The following ASCC2 variants were observed in gnomAD, a reference collection of about 807,000 sequenced individuals.
The protein encoded by ASCC2 is activating signal cointegrator 1 complex subunit 2, also known as ASC-1 complex subunit P100.
A neutral mutation model predicts 93.5 loss-of-function variants in ASCC2; 42 were observed. The observed-to-expected ratio is 0.45, with a 90% CI of 0.35 to 0.58. ASCC2 has a LOEUF of 0.58. Ranked by LOEUF, ASCC2 falls within the 20% of genes least tolerant of loss-of-function variation. The pLI, the probability that ASCC2 is intolerant of heterozygous loss-of-function variation, is 0.00. For synonymous variants in ASCC2, 364 were observed against 384.2 expected (o/e 0.95, Z 0.62); for missense variants, 859 against 977.6 (o/e 0.88, Z 1.62).
At chr22:29,824,265 C>T (rs945222631) in intron 4 of ASCC2, among the ~76,000 whole-genome samples, 2 of 151,602 alleles carry the variant, frequency 1.3e-5, no homozygotes, top group Non-Finnish European at 2.9e-5. Context: ...CACACACACA[C>T]ACACACACAC....
At chr22:29,798,452 T>C (rs1431494200) in intron 15 of ASCC2, among the ~76,000 whole-genome samples, 2 of 152,124 alleles carry the variant, frequency 1.3e-5, no homozygotes, top group South Asian at 4.1e-4. Flanking sequence ...GCAGCCCCTC[T>C]GCAGCCTCAA....
chr22:29,832,103 G>A lies in ASCC2; in HGVS notation c.81+142C>T, dbSNP rs2063224212. On this transcript the variant is annotated intron_variant, in intron 2 of 19. Coordinates refer to ENST00000307790, the MANE Select transcript of ASCC2 (RefSeq NM_032204.5). Reference sequence around the variant, plus strand: ...AAATTCCTACTCTGGGCCTGGAAGAGACTAGTAGTGTCTCAGCTACTGAAT... The same window carrying A: ...AAATTCCTACTCTGGGCCTGGAAGAAACTAGTAGTGTCTCAGCTACTGAAT... 5 of 693,412 alleles carry A rather than the reference G, an allele frequency of 7.2e-6. No homozygotes were observed. In the South Asian group the frequency reaches 7.4e-5, roughly 10 times the overall value. 43.0% of individuals were successfully genotyped at this position (693,412 alleles called of 1,614,324 possible).
At chr22:29,805,729 C>T (rs2059599147) in intron 12 of ASCC2, among the ~76,000 whole-genome samples, 1 of 152,084 alleles carries the variant, frequency 6.6e-6, no homozygotes, top group Non-Finnish European at 1.5e-5. Context: ...TGTCCTCTGT[C>T]CACTGCGAAC....
intron 12 of ASCC2, among the ~76,000 whole-genome samples, 163 bp from the exon 13 acceptor site, chr22:29,804,993 G>A (rs1186137170): frequency 6.6e-6 from 1 of 152,142 alleles, no homozygotes; most frequent in Non-Finnish European, 1.5e-5. Flanking sequence ...GGAAAAATGG[G>A]CCAGACTACA....
chr22:29,826,042 C>A (rs933939094), intron 2 of ASCC2: 2 of 363,324 alleles, frequency 5.5e-6, no homozygotes, highest in Non-Finnish European at 1.0e-5. Flanking sequence ...ATACAAAACT[C>A]TCTGTTTAAT....
chr22:29,825,763 T>G lies in ASCC2; in HGVS notation c.99A>C (p.Ala33=). 1 of 1,610,260 alleles carries G rather than the reference T, an allele frequency of 6.2e-7. No homozygotes were observed. The highest frequency in any genetic ancestry group is 8.5e-7 in the Non-Finnish European group (1 of 1,176,748). The part of the protein sequence containing the change: ...TSPALHPEQK[A]DRYFVLYKPP... ...GTTTGTATAACACAAAATACCGGTC[T>G]GCCTTCTGCTCGGGGTGCTACGGAT... Residue 33 remains alanine (A), a synonymous_variant, in exon 3 of 20, where the codon GCA becomes GCC. Coordinates refer to ENST00000307790, the MANE Select transcript of ASCC2 (RefSeq NM_032204.5). The surrounding 1 kb of genome is among the most constrained non-coding windows in gnomAD (Gnocchi z 4.9).
In ASCC2 at chr22:29,814,866, T is replaced by C. The variant is rs188860647; in HGVS notation, c.610-99A>G. The C allele has an allele frequency of 8.6e-4, 746 of 872,162 alleles. 8 individuals are homozygous for C. In the East Asian group the frequency reaches 0.018, roughly 22 times the overall value. The allele number at this position is 872,162 out of a possible 1,614,324, so 54.0% of individuals were successfully genotyped here. ...AGGTGATCTGAAAACTGCCTTGGAG[T>C]TTCTAGAATATTTACCCATGTTTCC... is the stretch of plus-strand genomic sequence containing the variant. On this transcript the variant is annotated intron_variant, in intron 6 of 19. Transcript: ENST00000307790.
chr22:29,802,054 T>C lies in ASCC2; in HGVS notation c.1508A>G (p.Asn503Ser). The part of the protein sequence containing the change: ...YYHYDPEQVI[N>S]NILEERLAPT... ...GGCCAGCCGCTCCTCCAGGATATTG[T>C]TGATCACCTGCTCTGGGTCGTAGTG... The change falls in exon 14 of 20, where the codon AAC becomes AGC. Residue 503 changes from asparagine to serine, a missense_variant. By Grantham distance (46) the Asn-to-Ser change is conservative. Transcript: ENST00000307790. The C allele has an allele frequency of 3.1e-6, 5 of 1,613,782 alleles. No individual in the cohort carries two copies. The highest frequency in any genetic ancestry group is 4.2e-6 in the Non-Finnish European group (5 of 1,179,872).
chr22:29,833,879 CTT>C (rs539551425), intron 1 of ASCC2, among the ~76,000 whole-genome samples: 34 of 139,504 alleles, frequency 2.4e-4, no homozygotes, highest in South Asian at 9.0e-4. Flanking sequence ...TTTTCTTTTT[CTT>C]TTTTTTTTTT....
At chr22:29,800,266 G>A (rs1569372592) in intron 15 of ASCC2, among the ~76,000 whole-genome samples, 3 of 152,180 alleles carry the variant, frequency 2.0e-5, no homozygotes, top group Admixed American at 6.5e-5. Flanking sequence ...TGTTCTCAGA[G>A]GAGCCTTCTT....
In ASCC2 at chr22:29,801,129, G is replaced by A. The variant is rs944273460; in HGVS notation, c.1569-19C>T. On this transcript the variant is annotated intron_variant, in intron 14 of 19. Transcript: ENST00000307790. Reference sequence around the variant, plus strand: ...CATTTCTCTGGGTGGGGGACACAGAGATCAATTTAAGGGGGCCCTGCCAGC... The same window carrying A: ...CATTTCTCTGGGTGGGGGACACAGAAATCAATTTAAGGGGGCCCTGCCAGC... The A allele has an allele frequency of 1.3e-6, 2 of 1,580,446 alleles. No homozygotes were observed. Among genetic ancestry groups the A allele is most frequent in the Non-Finnish European group, 1.7e-6 (2 of 1,154,682 alleles).
rs143829132 is a variant in ASCC2, at chr22:29,798,051, C to T, written c.1688+2940G>A. On this transcript the variant is annotated intron_variant, in intron 15 of 19. Coordinates refer to ENST00000307790, the MANE Select transcript of ASCC2 (RefSeq NM_032204.5). Reference sequence around the variant, plus strand: ...CAAAGTGCAGGGATTACAGCCACCACGCCCAGCCGGCACAGATATTTTTAG... The same window carrying T: ...CAAAGTGCAGGGATTACAGCCACCATGCCCAGCCGGCACAGATATTTTTAG... Among the ~76,000 whole-genome samples, 53 of 152,294 alleles carry T rather than the reference C, an allele frequency of 3.5e-4. 1 individual carries two copies. In the East Asian group the frequency reaches 7.7e-3, roughly 22 times the overall value.
At position 29,801,985 on chromosome 22, in the gene ASCC2, C is replaced by G. The variant is rs1454276657; in HGVS notation, c.1568+9G>C. On this transcript the variant is annotated intron_variant, in intron 14 of 19. Coordinates refer to ENST00000307790, the MANE Select transcript of ASCC2 (RefSeq NM_032204.5). ...GCAGCGGGAGCCTCCTCCCACCTGT[C>G]TCTCCCACCTGTCTAGGTTGCGGTC... The G allele has an allele frequency of 1.3e-6, 2 of 1,574,598 alleles. No individual in the cohort carries two copies. Among genetic ancestry groups the G allele is most frequent in the African/African-American group, 1.3e-5 (1 of 74,100 alleles).
intron 15 of ASCC2, among the ~76,000 whole-genome samples, chr22:29,800,533 A>G (rs2058962850): frequency 6.6e-6 from 1 of 152,214 alleles, no homozygotes; most frequent in Admixed American, 6.5e-5. Context: ...ATGCCAAAAA[A>G]GTAGGAAGGA....
Position 29,788,612 on chromosome 22 carries a change from T to G in ASCC2, c.*401A>C. ...TGGGTCATGGACATACACAGATCGT[T>G]TGAAAGGGTCAAAAATTTTATTAGC... On this transcript the variant is annotated 3_prime_UTR_variant, in exon 20 of 20. Transcript: ENST00000307790. 1 of 234,484 alleles carries G rather than the reference T, an allele frequency of 4.3e-6. No individual in the cohort carries two copies. 14.5% of individuals were successfully genotyped at this position (234,484 alleles called of 1,614,324 possible).
rs2060642090 is a variant in ASCC2 at position 29,814,727 on chromosome 22, T to C, written c.650A>G (p.Asp217Gly). 1.2e-6 allele frequency: 2 copies of C among 1,609,234 alleles called. No homozygotes were observed. The highest frequency in any genetic ancestry group is 1.7e-6 in the Non-Finnish European group (2 of 1,178,060). Reference protein sequence around the residue: ...NILQHCGLQGDGANTTPQKLE... With the variant: ...NILQHCGLQGGGANTTPQKLE... The stretch of plus-strand genomic sequence containing the variant: ...CTTCTGGGGTGTGGTATTGGCCCCG[T>C]CCCCTTGCAAACCACAGTGCTGGAG... Residue 217 changes from aspartate (D) to glycine (G), a missense_variant, in exon 7 of 20, where the codon GAC becomes GGC. By Grantham distance (94) the Asp-to-Gly change is moderately conservative (BLOSUM62 -1). Transcript: ENST00000307790.
chr22:29,819,412 T>A (rs1032077486), intron 5 of ASCC2, among the ~76,000 whole-genome samples: 1 of 152,142 alleles, frequency 6.6e-6, no homozygotes, highest in Non-Finnish European at 1.5e-5. Context: ...TCCACCCACC[T>A]CAGCCTCCCA....
At chr22:29,816,193 C>G in intron 5 of ASCC2, 120 bp from the exon 6 acceptor site, 1 of 853,992 alleles carries the variant, frequency 1.2e-6, no homozygotes, top group Non-Finnish European at 1.9e-6. Flanking sequence ...CTAATCCTAT[C>G]TGCAGCTAGG....
chr22:29,816,506 G>C (rs927393358), intron 5 of ASCC2: 5 of 156,084 alleles, frequency 3.2e-5, no homozygotes, highest in African/African-American at 1.2e-4. Flanking sequence ...CAATAATCCA[G>C]GACTCTCCAA....
Sources: allele counts gnomAD v4.1 joint callset (sites outside exome capture counted in the v4.1 genomes callset), GRCh38; gene constraint gnomAD v4.1.1; non-coding constraint Gnocchi (gnomAD v3.1); transcripts MANE v1.5; gene names NCBI Gene and HGNC (gene_info 2026-07-23, HGNC 2026-07-21).